MEI4: variants seen among roughly 807,000 people sequenced by gnomAD.
The protein encoded by MEI4 is meiosis-specific protein MEI4.
In MEI4, 27 loss-of-function variants were observed where a neutral mutation model predicts 31.4. The ratio of observed to expected loss-of-function variants is 0.86; its 90% CI spans 0.63 to 1.19. MEI4 has a LOEUF of 1.19. Among genes scored for constraint, MEI4 ranks in the 50% most tolerant of loss-of-function variants. The pLI is 0.00. For missense variants in MEI4, 329 were observed against 398.9 expected, an observed-to-expected ratio of 0.82 and a Z score of 1.49; for synonymous variants, 122 against 145.4, an observed-to-expected ratio of 0.84 and a Z score of 1.16.
At chr6:77,909,313 A>G (rs559939053) in intron 4 of MEI4, among the ~76,000 whole-genome samples, 2 of 152,274 alleles carry the variant, frequency 1.3e-5, no homozygotes, top group Non-Finnish European at 2.9e-5. Flanking sequence ...ACCGCTAGCA[A>G]GACTACTAAA....
rs985361422 is a variant in MEI4 at position 77,757,123 on chromosome 6, G to A, written c.233-4007G>A. Among the ~76,000 whole-genome samples, 11 of 152,278 alleles carry A rather than the reference G, an allele frequency of 7.2e-5. No individual in the cohort carries two copies. In the South Asian group the frequency reaches 8.3e-4, roughly 11 times the overall value. On this transcript the variant is annotated intron_variant, in intron 2 of 4. Coordinates refer to ENST00000684080, the MANE Select transcript of MEI4 (RefSeq NM_001322247.2). Reference sequence around the variant, plus strand: ...AGTTCTCTTAATCAAGCTGAGCTTCGTTTCCTAATTGGCAAATTAGAGATC... The same window carrying A: ...AGTTCTCTTAATCAAGCTGAGCTTCATTTCCTAATTGGCAAATTAGAGATC...
At chr6:77,830,027 A>T (rs1240967086) in intron 4 of MEI4, among the ~76,000 whole-genome samples, 1 of 152,090 alleles carries the variant, frequency 6.6e-6, no homozygotes, top group East Asian at 1.9e-4. Context: ...ACTGTTATCA[A>T]GGAGTAAAAA....
At chr6:77,735,436 G>A (rs1223098547) in intron 2 of MEI4, among the ~76,000 whole-genome samples, 1 of 151,924 alleles carries the variant, frequency 6.6e-6, no homozygotes, top group Admixed American at 6.6e-5. Context: ...CGGCTCCTGA[G>A]GCTTCTGCAT....
At chr6:77,909,809 A>G (rs1271153967) in intron 4 of MEI4, among the ~76,000 whole-genome samples, 2 of 152,340 alleles carry the variant, frequency 1.3e-5, no homozygotes, top group East Asian at 3.9e-4. Flanking sequence ...AAAATCCTCA[A>G]TAAAATACTG....
chr6:77,763,325 T>A (rs1281005113), intron 3 of MEI4, among the ~76,000 whole-genome samples: 1 of 152,062 alleles, frequency 6.6e-6, no homozygotes, highest in Non-Finnish European at 1.5e-5. Context: ...TCTCACTATG[T>A]TCCATGCACA....
At chr6:77,911,668 A>G (rs1242977547) in intron 4 of MEI4, among the ~76,000 whole-genome samples, 2 of 150,372 alleles carry the variant, frequency 1.3e-5, no homozygotes, top group Non-Finnish European at 1.5e-5. Context: ...TAGCTGCAAT[A>G]GTATTCCATG....
chr6:77,742,536 A>G (rs1401544901), intron 2 of MEI4, among the ~76,000 whole-genome samples: 1 of 152,112 alleles, frequency 6.6e-6, no homozygotes, highest in Non-Finnish European at 1.5e-5. Context: ...TGGTGAGATG[A>G]GTAGTTTGCG....
intron 4 of MEI4, among the ~76,000 whole-genome samples, chr6:77,836,150 C>G (rs1770214759): frequency 6.6e-6 from 1 of 151,996 alleles, no homozygotes; most frequent in Non-Finnish European, 1.5e-5. Flanking sequence ...GAAAACATCT[C>G]TTTAGGTGTC....
At chr6:77,868,649 G>A (rs1377112200) in intron 4 of MEI4, among the ~76,000 whole-genome samples, 1 of 151,120 alleles carries the variant, frequency 6.6e-6, no homozygotes, top group African/African-American at 2.4e-5. Flanking sequence ...AGTAGAAGAA[G>A]TCTAGATGTT....
chr6:77,905,241 T>G (rs1766267795), intron 4 of MEI4, among the ~76,000 whole-genome samples: 1 of 152,026 alleles, frequency 6.6e-6, no homozygotes, highest in Non-Finnish European at 1.5e-5. Flanking sequence ...ATACATCATC[T>G]CTCTCTTCTG....
At position 77,706,299 on chromosome 6, in the gene MEI4, T is replaced by A. The variant is rs150571052; in HGVS notation, c.232+15396T>A. On this transcript the variant is annotated intron_variant, in intron 2 of 4. Coordinates refer to ENST00000684080, the MANE Select transcript of MEI4 (RefSeq NM_001322247.2). Reference sequence around the variant, plus strand: ...ACTCATTTCAGAAGGGGTCCTTCCCTGTGCCCACAAGGAATGAGTGCCACA... The same window carrying A: ...ACTCATTTCAGAAGGGGTCCTTCCCAGTGCCCACAAGGAATGAGTGCCACA... Among the ~76,000 whole-genome samples the A allele has an allele frequency of 1.4e-3, 213 of 152,306 alleles. 1 individual carries two copies. Among genetic ancestry groups the A allele is most frequent in the African/African-American group, 4.5e-3 (187 of 41,568 alleles).
Position 77,697,130 on chromosome 6 carries a change from T to C in MEI4, c.232+6227T>C, listed in dbSNP as rs141004068. The stretch of plus-strand genomic sequence containing the variant: ...TGGTGTTATTCCCGTTATCATTTTT[T>C]ATTGTGTCTATTTGATTCTTCTCTC... On this transcript the variant is annotated intron_variant, in intron 2 of 4. Coordinates refer to ENST00000684080, the MANE Select transcript of MEI4 (RefSeq NM_001322247.2). 3.6e-3 allele frequency among the ~76,000 whole-genome samples: 551 copies of C among 152,350 alleles called. 4 individuals are homozygous for C. The highest frequency in any genetic ancestry group is 0.013 in the African/African-American group (536 of 41,584).
chr6:77,744,719 G>C (rs888089010), intron 2 of MEI4, among the ~76,000 whole-genome samples: 1 of 152,154 alleles, frequency 6.6e-6, no homozygotes, highest in East Asian at 1.9e-4. Flanking sequence ...CAGCCAGAGA[G>C]AAAGGTATGG....
intron 4 of MEI4, among the ~76,000 whole-genome samples, chr6:77,874,467 CTT>C (rs1181901172): frequency 2.6e-5 from 4 of 152,168 alleles, no homozygotes; most frequent in African/African-American, 9.7e-5. Context: ...TATCTTGAGA[CTT>C]TGCTGAAGTT....
In MEI4 at chr6:77,907,050, G is replaced by A. The variant is rs546515267; in HGVS notation, c.901-16039G>A. 1.4e-3 allele frequency among the ~76,000 whole-genome samples: 211 copies of A among 150,896 alleles called. 1 individual carries two copies. Among genetic ancestry groups the A allele is most frequent in the African/African-American group, 4.5e-3 (186 of 41,122 alleles). On this transcript the variant is annotated intron_variant, in intron 4 of 4. Transcript: ENST00000684080. ...GATCTTGGCTATTTTTTTTTTTAAGGTATGGTTAAACTGAAAACTTTATTT... is the reference window on the plus strand; with the variant it reads ...GATCTTGGCTATTTTTTTTTTTAAGATATGGTTAAACTGAAAACTTTATTT...
chr6:77,746,554 G>A (rs2127675548), intron 2 of MEI4, among the ~76,000 whole-genome samples: 2 of 152,136 alleles, frequency 1.3e-5, no homozygotes, highest in South Asian at 4.1e-4. Context: ...TGGGTCTCCA[G>A]CTTGCTGACT....
At position 77,924,159 on chromosome 6, in the gene MEI4, A is replaced by AATG. The variant is rs1460764474; in HGVS notation, c.*816_*818dup. ...TATACAATTTCATTGACTTCATTTC[A>AATG]ATGATTAAAATCATAACCGCAAACT... On this transcript the variant is annotated 3_prime_UTR_variant, in exon 5 of 5. Coordinates refer to ENST00000684080, the MANE Select transcript of MEI4 (RefSeq NM_001322247.2). 2.6e-5 allele frequency: 4 copies of AATG among 151,960 alleles called. No homozygotes were observed. In the South Asian group the frequency reaches 8.3e-4, roughly 32 times the overall value. 9.4% of individuals were successfully genotyped at this position (151,960 alleles called of 1,614,324 possible). A position where few individuals can be genotyped will look rare whatever the true frequency, so the allele number is the denominator to read the frequency against.
chr6:77,772,064 G>A (rs1284854981), intron 3 of MEI4, among the ~76,000 whole-genome samples: 1 of 151,606 alleles, frequency 6.6e-6, no homozygotes, highest in East Asian at 1.9e-4. Flanking sequence ...ATAATTAATG[G>A]TGAAATTAAA....
chr6:77,814,487 C>T (rs1474421889), intron 3 of MEI4, among the ~76,000 whole-genome samples: 1 of 152,062 alleles, frequency 6.6e-6, no homozygotes, highest in Non-Finnish European at 1.5e-5. Context: ...TTTTCACTTT[C>T]TCAAAGTATA....
Sources: gnomAD v4.1 joint callset for allele counts (sites outside exome capture counted in the v4.1 genomes callset) on GRCh38, gnomAD v4.1.1 for gene constraint, MANE v1.5 for transcripts, NCBI Gene and HGNC (gene_info 2026-07-23, HGNC 2026-07-21) for gene names.